Variants in CACNA1C observed in about 807,000 individuals in gnomAD.
CACNA1C encodes the protein voltage-dependent L-type calcium channel subunit alpha-1C.
CACNA1C carries 30 observed loss-of-function variants against 229.0 expected under a neutral mutation model. The observed-to-expected ratio is 0.13, with a 90% CI of 0.10 to 0.18. CACNA1C has a LOEUF of 0.18. CACNA1C is among the 10% of genes least tolerant of loss of function. The probability of loss-of-function intolerance (pLI) is 1.00; values close to 1 mark genes in which losing one functional copy is unlikely to be tolerated. For synonymous variants in CACNA1C, 1,114 were observed against 1,132.5 expected (o/e 0.98, Z 0.33); for missense variants, 1,658 against 2,845.0 (o/e 0.58, Z 9.49).
In CACNA1C at chr12:2,608,474, C is replaced by T; in HGVS notation, c.3357-37C>T. ...TCCTTCCGCAGAGGGGACCCTGCTTCTCCAGTTCCCTCTGTGGGACCTGTC... is the reference window on the plus strand; with the variant it reads ...TCCTTCCGCAGAGGGGACCCTGCTTTTCCAGTTCCCTCTGTGGGACCTGTC... On this transcript the variant is annotated intron_variant, in intron 26 of 46. Transcript: ENST00000399655. This position sits in a 1 kb window ranked among gnomAD's most constrained non-coding sequence, Gnocchi z 4.2. The T allele has an allele frequency of 1.3e-6, 2 of 1,529,398 alleles. No individual in the cohort carries two copies. Among genetic ancestry groups the T allele is most frequent in the African/African-American group, 1.4e-5 (1 of 73,246 alleles). The allele number at this position is 1,529,398 out of a possible 1,614,324, so 94.7% of individuals were successfully genotyped here.
intron 13 of CACNA1C, among the ~76,000 whole-genome samples, chr12:2,576,770 C>A (rs1400745802): frequency 4.6e-5 from 7 of 152,104 alleles, no homozygotes; most frequent in Non-Finnish European, 1.5e-5. Flanking sequence ...TCACCCTACC[C>A]ACCTCAAAGG....
chr12:2,468,588 A>G (rs2099572789), intron 5 of CACNA1C, among the ~76,000 whole-genome samples: 1 of 152,238 alleles, frequency 6.6e-6, no homozygotes, highest in Admixed American at 6.5e-5. Flanking sequence ...GCCGAGGGGA[A>G]TCACATTGCT....
chr12:2,411,182 C>A (rs1183533730), intron 3 of CACNA1C, among the ~76,000 whole-genome samples: 3 of 152,126 alleles, frequency 2.0e-5, no homozygotes, highest in African/African-American at 7.2e-5. Flanking sequence ...GTATCAGGAG[C>A]CTCACCACTC....
At chr12:2,396,219 GT>G (rs2098570036) in intron 3 of CACNA1C, among the ~76,000 whole-genome samples, 1 of 152,158 alleles carries the variant, frequency 6.6e-6, no homozygotes, top group African/African-American at 2.4e-5. Context: ...GTATCTTTCA[GT>G]GACACACATC....
At chr12:2,036,832 C>A (rs55683572) in intron 1 of CACNA1C, among the ~76,000 whole-genome samples, 7,697 of 152,210 alleles carry the variant, frequency 0.051, 270 homozygotes, top group Middle Eastern at 0.078. Context: ...ATCAGGTAAC[C>A]CTTTAGTGAC....
At chr12:2,189,154 C>A (rs188622977) in intron 3 of CACNA1C, among the ~76,000 whole-genome samples, 1 of 147,844 alleles carries the variant, frequency 6.8e-6, no homozygotes, top group Admixed American at 6.7e-5. Flanking sequence ...AACAGCTCAG[C>A]TTTTCTAAGT....
intron 1 of CACNA1C, among the ~76,000 whole-genome samples, chr12:2,084,216 G>T (rs1308749256): frequency 6.6e-6 from 1 of 152,296 alleles, no homozygotes; most frequent in Middle Eastern, 3.4e-3. Context: ...GGGCAGGCCT[G>T]TCTTTAGCAT....
intron 1 of CACNA1C, among the ~76,000 whole-genome samples, chr12:2,057,467 A>G (rs1194120005): frequency 6.6e-6 from 1 of 152,182 alleles, no homozygotes; most frequent in Non-Finnish European, 1.5e-5. Flanking sequence ...GGGGGAGTTT[A>G]GAGCTTGTGA....
At chr12:1,997,844 TA>T in intron 1 of CACNA1C, 1 of 1,061,376 alleles carries the variant, frequency 9.4e-7, no homozygotes, top group Non-Finnish European at 1.4e-6. Flanking sequence ...CTTTTTGAAA[TA>T]AAACTGCATG....
chr12:2,534,597 C>A (rs936642822), intron 9 of CACNA1C, among the ~76,000 whole-genome samples: 1 of 152,216 alleles, frequency 6.6e-6, no homozygotes, highest in Non-Finnish European at 1.5e-5. Context: ...TTCACCTCCC[C>A]CACCCCTGCA....
In CACNA1C at chr12:2,115,311, C is replaced by T. The variant is rs770830796; in HGVS notation, c.137C>T (p.Pro46Leu). 5.0e-6 allele frequency: 8 copies of T among 1,594,352 alleles called. No individual in the cohort carries two copies. The highest frequency in any genetic ancestry group is 2.3e-5 in the East Asian group (1 of 43,680). ...CTGGCCCCTGAGCACATCCCCACCC[C>T]GGGGGCTGCCCTGTCGTGGCAGGCG... ...AGLAPEHIPT[P>L]GAALSWQAAI... Residue 46 changes from proline to leucine, a missense_variant, in exon 2 of 47, where the codon CCG (proline) becomes CTG (leucine). By Grantham distance (98) the Pro-to-Leu change is moderately conservative. Transcript: ENST00000399655.
In CACNA1C at chr12:2,677,307, C is replaced by A. The variant is rs2096872977; in HGVS notation, c.4956+86C>A. 4 of 1,464,026 alleles carry A rather than the reference C, an allele frequency of 2.7e-6. No homozygotes were observed. In the South Asian group the frequency reaches 3.9e-5, roughly 14 times the overall value. 90.7% of individuals were successfully genotyped at this position (1,464,026 alleles called of 1,614,324 possible). A position where few individuals can be genotyped will look rare whatever the true frequency, so the allele number is the denominator to read the frequency against. On this transcript the variant is annotated intron_variant, in intron 40 of 46. Transcript: ENST00000399655. The surrounding 1 kb of genome is among the most constrained non-coding windows in gnomAD (Gnocchi z 7.4). ...AGTCAGGGTCCCGGTCCCTCCCCAG[C>A]AGGCTGGAGGCCAGGTCCCTGCAGA...
chr12:1,997,266 C>T (rs866038767), intron 1 of CACNA1C, among the ~76,000 whole-genome samples: 6 of 152,194 alleles, frequency 3.9e-5, no homozygotes, highest in South Asian at 2.1e-4. Flanking sequence ...CGGTGGCTCA[C>T]GCCTGTAATC....
At chr12:2,002,007 G>A (rs1305780743) in intron 1 of CACNA1C, among the ~76,000 whole-genome samples, 1 of 152,208 alleles carries the variant, frequency 6.6e-6, no homozygotes, top group Admixed American at 6.5e-5. Context: ...TATTTTGGAG[G>A]CGGGGGGCAG....
intron 3 of CACNA1C, among the ~76,000 whole-genome samples, chr12:2,187,706 C>T (rs2097086316): frequency 6.6e-6 from 1 of 152,220 alleles, no homozygotes; most frequent in South Asian, 2.1e-4. Flanking sequence ...CAGGGTGGTC[C>T]CCACAGGGGC....
intron 3 of CACNA1C, among the ~76,000 whole-genome samples, chr12:2,302,585 C>T (rs1309460880): frequency 3.3e-5 from 5 of 152,068 alleles, no homozygotes; most frequent in African/African-American, 1.2e-4. Context: ...GATGCTCCAC[C>T]AGTGAGCCAG....
In CACNA1C at chr12:2,696,081, C is replaced by T. The variant is rs2097840814; in HGVS notation, c.*4882C>T. The stretch of plus-strand genomic sequence containing the variant: ...ATTATTATGACATAAATTCTATTTA[C>T]ATACATTGAGAGAATACTACAATCA... On this transcript the variant is annotated 3_prime_UTR_variant, in exon 47 of 47. Transcript: ENST00000399655. 6.6e-6 allele frequency: 1 copy of T among 152,158 alleles called. No homozygotes were observed. The highest frequency in any genetic ancestry group is 1.5e-5 in the Non-Finnish European group (1 of 68,024). 9.4% of individuals were successfully genotyped at this position (152,158 alleles called of 1,614,324 possible). A position where few individuals can be genotyped will look rare whatever the true frequency, so the allele number is the denominator to read the frequency against.
chr12:2,662,738 T>C (rs1469662582), intron 34 of CACNA1C, among the ~76,000 whole-genome samples: 1 of 152,218 alleles, frequency 6.6e-6, no homozygotes, highest in Non-Finnish European at 1.5e-5. Context: ...CAGGACTTAC[T>C]ATAAGGCAAC....
At chr12:2,083,511 T>C (rs1462064899) in intron 1 of CACNA1C, among the ~76,000 whole-genome samples, 1 of 152,228 alleles carries the variant, frequency 6.6e-6, no homozygotes, top group Non-Finnish European at 1.5e-5. Flanking sequence ...AAGCTGGGTT[T>C]ATGCTGTGAT....
Sources: allele counts gnomAD v4.1 joint callset (sites outside exome capture counted in the v4.1 genomes callset), GRCh38; gene constraint gnomAD v4.1.1; non-coding constraint Gnocchi (gnomAD v3.1); transcripts MANE v1.5; gene names NCBI Gene and HGNC (gene_info 2026-07-23, HGNC 2026-07-21).